The following NOP53 variants were observed in gnomAD, a reference collection of about 807,000 sequenced individuals.
NOP53 encodes NOP53 ribosome biogenesis factor.
In NOP53, 40 loss-of-function variants were observed where a neutral mutation model predicts 61.0. The observed-to-expected ratio is 0.66, with a 90% CI of 0.51 to 0.85. NOP53 has a LOEUF of 0.85. Among genes scored for constraint, NOP53 ranks in the 40% least tolerant of loss-of-function variants. The pLI, the probability that NOP53 is intolerant of heterozygous loss-of-function variation, is 0.00. For synonymous variants in NOP53, 308 were observed against 289.5 expected (o/e 1.06, Z -0.65); for missense variants, 689 against 652.9 (o/e 1.06, Z -0.60).
rs1967168898 is a variant in NOP53, at chr19:47,754,833, C to T, written c.995C>T (p.Ala332Val). The change falls in exon 8 of 13, where the codon GCC (alanine) becomes GTC (valine). Residue 332 changes from alanine (A) to valine (V), a missense_variant. By Grantham distance (64) the Ala-to-Val change is moderately conservative (BLOSUM62 0). Transcript: ENST00000246802. This position sits in a 1 kb window ranked among gnomAD's most constrained non-coding sequence, Gnocchi z 4.2. ...AEVCPTPARL[A>V]TTEKKTEQQR... ...GTCTGTCCCACGCCCGCCCGCCTGG[C>T]CACCACAGAGAAGAAGACGGAGCAG... 1 of 1,540,892 alleles carries T rather than the reference C, an allele frequency of 6.5e-7. No homozygotes were observed. The highest frequency in any genetic ancestry group is 8.7e-7 in the Non-Finnish European group (1 of 1,150,952).
At chr19:47,750,654 G>C (rs560666512) in intron 3 of NOP53, among the ~76,000 whole-genome samples, 1 of 152,118 alleles carries the variant, frequency 6.6e-6, no homozygotes, top group Non-Finnish European at 1.5e-5. Context: ...TGGTTTTGAC[G>C]TGGTGGTGTG....
intron 5 of NOP53, among the ~76,000 whole-genome samples, chr19:47,752,184 C>T (rs1967132403): frequency 6.6e-6 from 1 of 152,112 alleles, no homozygotes; most frequent in South Asian, 2.1e-4. Flanking sequence ...AAAGAGGTAG[C>T]ACATGAGAAG....
intron 2 of NOP53, among the ~76,000 whole-genome samples, chr19:47,748,899 C>G (rs917056765): frequency 3.3e-5 from 5 of 151,736 alleles, no homozygotes; most frequent in Admixed American, 6.6e-5. Flanking sequence ...TGGTGGCTCA[C>G]GCCTGTAATC....
chr19:47,745,968 T>G (rs1967058117), intron 1 of NOP53, 185 bp downstream of exon 1: 1 of 536,590 alleles, frequency 1.9e-6, no homozygotes, highest in African/African-American at 1.9e-5. Context: ...CTGGAGAGCT[T>G]GATAGAGTTA....
At chr19:47,749,177 G>A (rs912945017) in intron 2 of NOP53, among the ~76,000 whole-genome samples, 1 of 151,940 alleles carries the variant, frequency 6.6e-6, no homozygotes, top group Non-Finnish European at 1.5e-5. Context: ...AAAAAAAAGT[G>A]GGGGGTTATT....
chr19:47,750,348 C>A, intron 3 of NOP53, 62 bp downstream of exon 3: 1 of 1,036,162 alleles, frequency 9.7e-7, no homozygotes, highest in South Asian at 1.3e-5. Context: ...AAAGGGTTTC[C>A]GGGGCTGGGG....
chr19:47,749,443 TCA>T (rs1190749713), intron 2 of NOP53, among the ~76,000 whole-genome samples: 73 of 152,252 alleles, frequency 4.8e-4, no homozygotes, highest in African/African-American at 1.6e-3. Flanking sequence ...GATTACATCT[TCA>T]TAACGGCCTA....
At chr19:47,752,120 AAAAT>A (rs1967131739) in intron 5 of NOP53, among the ~76,000 whole-genome samples, 5 of 145,844 alleles carry the variant, frequency 3.4e-5, no homozygotes, top group African/African-American at 1.4e-4. Context: ...AAAAAAAAAT[AAAAT>A]AAAATACAGA....
chr19:47,752,643 G>C (rs757775205), intron 6 of NOP53, 36 bp downstream of exon 6: 7 of 1,278,018 alleles, frequency 5.5e-6, no homozygotes, highest in Admixed American at 1.7e-5. Context: ...TCCTCAGTGG[G>C]CTCTGCCTCT....
chr19:47,750,797 G>C, intron 3 of NOP53, 111 bp from the exon 4 acceptor site: 1 of 835,204 alleles, frequency 1.2e-6, no homozygotes, highest in South Asian at 1.5e-5. Context: ...CTTTTGGAGA[G>C]GGGGTGCTGA....
At chr19:47,749,775 C>A (rs904120247) in intron 2 of NOP53, among the ~76,000 whole-genome samples, 1 of 151,846 alleles carries the variant, frequency 6.6e-6, no homozygotes, top group African/African-American at 2.4e-5. Flanking sequence ...GAGATGAGAT[C>A]TCACTATGTT....
At position 47,745,576 on chromosome 19, in the gene NOP53, G is replaced by T. The variant is rs762122920; in HGVS notation, c.17G>T (p.Ser6Ile). Residue 6 changes from serine (S) to isoleucine (I), a missense_variant, in exon 1 of 13, where the codon AGT becomes ATT. Transcript: ENST00000246802. ...TTTGACAAGATGGCGGCAGGAGGCA[G>T]TGGCGTTGGTGGGAAGCGCAGCTCG... MAAGG[S>I]GVGGKRSSKS... The T allele has an allele frequency of 1.2e-6, 2 of 1,613,914 alleles. No individual in the cohort carries two copies. Among genetic ancestry groups the T allele is most frequent in the East Asian group, 2.2e-5 (1 of 44,874 alleles).
At position 47,755,364 on chromosome 19, in the gene NOP53, C is replaced by T. The variant is rs761581969; in HGVS notation, c.1070C>T (p.Ala357Val). 3.9e-5 allele frequency: 59 copies of T among 1,516,082 alleles called. No individual in the cohort carries two copies. The highest frequency in any genetic ancestry group is 2.7e-4 in the South Asian group (22 of 81,684). The allele number at this position is 1,516,082 out of a possible 1,614,324, so 93.9% of individuals were successfully genotyped here. The change falls in exon 9 of 13, where the codon GCG becomes GTG. Residue 357 changes from alanine (A) to valine (V), a missense_variant. Ala to Val is a moderately conservative substitution (Grantham distance 64). Transcript: ENST00000246802. ...AVHRLRVQQAALRAARLRHQE... is the reference protein window; with the variant it reads ...AVHRLRVQQAVLRAARLRHQE... ...TCTCCACAGCGGGTACAGCAGGCCG[C>T]GTTGCGGGCCGCCCGGCTCCGGCAC...
intron 10 of NOP53, 145 bp from the exon 11 acceptor site, chr19:47,756,383 C>G: frequency 3.2e-6 from 2 of 627,068 alleles, no homozygotes; most frequent in South Asian, 3.8e-5. Context: ...GCCCCAGCAG[C>G]TGAGGGCCAG....
chr19:47,746,108 G>GTGTA lies in NOP53; in HGVS notation c.224+331_224+334dup, dbSNP rs1285630661. ...TGCTGTTTTCTAAATATGTGTGTGT[G>GTGTA]TGTATGTATATATGTGTGTGTATAT... On this transcript the variant is annotated intron_variant, in intron 1 of 12. Coordinates refer to ENST00000246802, the MANE Select transcript of NOP53 (RefSeq NM_015710.5). 3 of 381,420 alleles carry GTGTA rather than the reference G, an allele frequency of 7.9e-6. No individual in the cohort carries two copies. In the Admixed American group the frequency reaches 1.3e-4, roughly 17 times the overall value. 23.6% of individuals were successfully genotyped at this position (381,420 alleles called of 1,614,324 possible). A position where few individuals can be genotyped will look rare whatever the true frequency, so the allele number is the denominator to read the frequency against.
At chr19:47,746,010 C>G (rs945300842) in intron 1 of NOP53, 2 of 487,180 alleles carry the variant, frequency 4.1e-6, no homozygotes, top group African/African-American at 4.0e-5. Flanking sequence ...ACAGGACGCT[C>G]AATTAAATTT....
intron 5 of NOP53, among the ~76,000 whole-genome samples, chr19:47,751,917 C>T (rs568203711): frequency 1.3e-5 from 2 of 150,598 alleles, no homozygotes; most frequent in Non-Finnish European, 2.9e-5. Flanking sequence ...GCCTGACCAA[C>T]GTGGTGAAAC....
chr19:47,747,999 C>T (rs563742227), intron 2 of NOP53, among the ~76,000 whole-genome samples: 10 of 151,948 alleles, frequency 6.6e-5, no homozygotes, highest in Admixed American at 5.3e-4. Flanking sequence ...AGGCTGGTCT[C>T]GAACTCCTGA....
chr19:47,748,338 T>C (rs964502977), intron 2 of NOP53, among the ~76,000 whole-genome samples: 1 of 152,034 alleles, frequency 6.6e-6, no homozygotes, highest in African/African-American at 2.4e-5. Context: ...TGAAACAAGA[T>C]GAGGCGTGAG....
Sources: allele counts gnomAD v4.1 joint callset (sites outside exome capture counted in the v4.1 genomes callset), GRCh38; gene constraint gnomAD v4.1.1; non-coding constraint Gnocchi (gnomAD v3.1); transcripts MANE v1.5; gene names NCBI Gene and HGNC (gene_info 2026-07-23, HGNC 2026-07-21).